The following TFB2M variants were observed in gnomAD, a reference collection of about 807,000 sequenced individuals.
TFB2M encodes dimethyladenosine transferase 2, mitochondrial.
TFB2M carries 44 observed loss-of-function variants against 41.3 expected under a neutral mutation model. The ratio of observed to expected loss-of-function variants is 1.07; its 90% CI spans 0.84 to 1.37. TFB2M has a LOEUF of 1.37. Among genes scored for constraint, TFB2M ranks in the 40% most tolerant of loss-of-function variants. The probability of loss-of-function intolerance (pLI) is 0.00; values close to 1 mark genes in which losing one functional copy is unlikely to be tolerated. For missense variants in TFB2M, 496 were observed against 490.2 expected, an observed-to-expected ratio of 1.01 and a Z score of -0.11; for synonymous variants, 188 against 176.8, an observed-to-expected ratio of 1.06 and a Z score of -0.50.
intron 1 of TFB2M, among the ~76,000 whole-genome samples, chr1:246,565,436 G>A (rs931542140): frequency 2.0e-5 from 3 of 152,172 alleles, no homozygotes; most frequent in East Asian, 1.9e-4. Flanking sequence ...GTATCTGGAC[G>A]GGCGCAGTGG....
rs769521942 is a variant in TFB2M at position 246,548,561 on chromosome 1, T to TATACAC, written c.841_842insGTGTAT (p.Glu281delinsGlyValTer). The stretch of plus-strand genomic sequence containing the variant: ...TATTCTTACCCTACGCTTTGGGTTT[T>TATACAC]CCAGCGGCCCTTTCCGGGTGTATAT... On this transcript the variant is annotated stop_gained and protein_altering_variant, in exon 6 of 8. Coordinates refer to ENST00000366514, the MANE Select transcript of TFB2M (RefSeq NM_022366.3). LOFTEE classifies it high-confidence loss of function. The TATACAC allele has an allele frequency of 9.9e-6, 16 of 1,613,566 alleles. No individual in the cohort carries two copies. The highest frequency in any genetic ancestry group is 1.3e-5 in the Non-Finnish European group (15 of 1,179,772).
At chr1:246,549,605 G>A (rs564194173) in intron 5 of TFB2M, among the ~76,000 whole-genome samples, 1 of 151,992 alleles carries the variant, frequency 6.6e-6, no homozygotes, top group Non-Finnish European at 1.5e-5. Context: ...CGACCCACCT[G>A]AAAAAGTATT....
chr1:246,563,666 G>A (rs1659516265), intron 2 of TFB2M, among the ~76,000 whole-genome samples: 1 of 152,030 alleles, frequency 6.6e-6, no homozygotes, highest in Non-Finnish European at 1.5e-5. Flanking sequence ...TCACATGGGT[G>A]GGTGACATAG....
rs547357741 is a variant in TFB2M, at chr1:246,566,199, C to T, written c.-61G>A. The T allele has an allele frequency of 1.3e-6, 2 of 1,524,716 alleles. No homozygotes were observed. Among genetic ancestry groups the T allele is most frequent in the South Asian group, 2.4e-5 (2 of 82,070 alleles). 94.4% of individuals were successfully genotyped at this position (1,524,716 alleles called of 1,614,324 possible). ...AGTGCAGCTACTACAGTGAACCCCA[C>T]GCAGGGTATCCCACGTGGAACATTT... On this transcript the variant is annotated 5_prime_UTR_variant, in exon 1 of 8. In the 5' UTR this introduces an upstream ATG that the reference lacks. Transcript: ENST00000366514.
chr1:246,545,796 A>G (rs577415253), intron 6 of TFB2M, among the ~76,000 whole-genome samples: 1 of 131,676 alleles, frequency 7.6e-6, no homozygotes, highest in Non-Finnish European at 1.6e-5. Flanking sequence ...CGGGTGACAG[A>G]GCAAGACCCT....
At chr1:246,556,512 A>C (rs1372730424) in intron 4 of TFB2M, 61 bp downstream of exon 4, 4 of 1,251,258 alleles carry the variant, frequency 3.2e-6, no homozygotes, top group Non-Finnish European at 4.4e-6. Flanking sequence ...GCACAGATTA[A>C]GAGTACTCAG....
intron 3 of TFB2M, 89 bp downstream of exon 3, chr1:246,557,292 A>T (rs1459996540): frequency 1.4e-6 from 2 of 1,441,532 alleles, no homozygotes; most frequent in Admixed American, 4.6e-5. Context: ...ACAAATAAAT[A>T]AAACACAAAT....
intron 7 of TFB2M, among the ~76,000 whole-genome samples, chr1:246,542,985 AT>A (rs11380318): frequency 2.2e-4 from 19 of 84,940 alleles, no homozygotes; most frequent in East Asian, 6.7e-4. Context: ...CTGCCTCCCA[AT>A]TTTTTTTTTT....
intron 6 of TFB2M, among the ~76,000 whole-genome samples, chr1:246,545,103 G>T (rs1461376634): frequency 6.6e-6 from 1 of 151,782 alleles, no homozygotes; most frequent in Non-Finnish European, 1.5e-5. Context: ...ACCGTGCCCG[G>T]CCCACATTTT....
At chr1:246,554,410 A>G (rs1040636960) in intron 4 of TFB2M, among the ~76,000 whole-genome samples, 4 of 152,034 alleles carry the variant, frequency 2.6e-5, no homozygotes, top group Non-Finnish European at 4.4e-5. Context: ...GCCGCTCCCC[A>G]CCGTTCACAT....
At chr1:246,559,496 C>T (rs1328285412) in intron 2 of TFB2M, among the ~76,000 whole-genome samples, 1 of 152,172 alleles carries the variant, frequency 6.6e-6, no homozygotes, top group African/African-American at 2.4e-5. Context: ...TTGCAGAGAG[C>T]TGAGATTGCA....
rs757065866 is a variant in TFB2M, at chr1:246,544,592, G to A, written c.948C>T (p.Asn316=). 2 of 1,611,602 alleles carry A rather than the reference G, an allele frequency of 1.2e-6. No individual in the cohort carries two copies. Among genetic ancestry groups the A allele is most frequent in the Non-Finnish European group, 1.7e-6 (2 of 1,179,290 alleles). The change falls in exon 7 of 8, where the codon AAC becomes AAT. Residue 316 remains asparagine (N), a synonymous_variant. Transcript: ENST00000366514. ...NLFTKNLTPM[N]YNIFFHLLKH... ...TTAACAAGTGAAAAAATATATTATA[G>A]TTCATAGGTGTTAAGTTCTTGGTAA...
At chr1:246,561,165 A>T (rs1432608721) in intron 2 of TFB2M, among the ~76,000 whole-genome samples, 1 of 152,194 alleles carries the variant, frequency 6.6e-6, no homozygotes, top group Non-Finnish European at 1.5e-5. Context: ...ATTCACACAA[A>T]ATTTTATTTG....
Position 246,565,822 on chromosome 1 carries a change from TC to T in TFB2M, c.313+3del. On this transcript the variant is annotated splice_donor_region_variant and intron_variant, in intron 1 of 7. Coordinates refer to ENST00000366514, the MANE Select transcript of TFB2M (RefSeq NM_022366.3). ...CCAAGAAAATGCAATTCAGCTGGACTCACCTGGATTGCACTCCAGCAGTAGG... is the reference window on the plus strand; with the variant it reads ...CCAAGAAAATGCAATTCAGCTGGACTACCTGGATTGCACTCCAGCAGTAGG... 6.3e-7 allele frequency: 1 copy of T among 1,592,204 alleles called. No individual in the cohort carries two copies. The highest frequency in any genetic ancestry group is 1.1e-5 in the South Asian group (1 of 90,742).
In TFB2M at chr1:246,546,983, A is replaced by ACACACAC. The variant is rs764498048; in HGVS notation, c.858+1561_858+1562insGTGTGTG. 5.3e-3 allele frequency among the ~76,000 whole-genome samples: 676 copies of ACACACAC among 127,180 alleles called. 9 individuals are homozygous for ACACACAC. The highest frequency in any genetic ancestry group is 0.018 in the African/African-American group (601 of 33,938). 83.4% of individuals were successfully genotyped at this position (127,180 alleles called of 152,430 possible). ...TGTATATATACACACACACACACAC[A>ACACACAC]TTTTTTTTTTTTTTTTTTGAGACAA... On this transcript the variant is annotated intron_variant, in intron 6 of 7. Coordinates refer to ENST00000366514, the MANE Select transcript of TFB2M (RefSeq NM_022366.3).
chr1:246,556,824 C>T, intron 3 of TFB2M, 103 bp from the exon 4 acceptor site: 3 of 998,078 alleles, frequency 3.0e-6, no homozygotes, highest in Non-Finnish European at 4.3e-6. Context: ...ATATTAATTT[C>T]AAGTTTATTT....
intron 2 of TFB2M, among the ~76,000 whole-genome samples, chr1:246,559,983 A>C (rs762348170): frequency 5.9e-5 from 9 of 152,248 alleles, no homozygotes; most frequent in Non-Finnish European, 1.0e-4. Flanking sequence ...CACGCATGGC[A>C]AGGCTGTCTA....
Position 246,544,690 on chromosome 1 carries a change from A to G in TFB2M, c.859-9T>C. The G allele has an allele frequency of 6.3e-7, 1 of 1,579,538 alleles. No homozygotes were observed. The highest frequency in any genetic ancestry group is 1.2e-5 in the South Asian group (1 of 84,830). On this transcript the variant is annotated splice_polypyrimidine_tract_variant and intron_variant, in intron 6 of 7. Transcript: ENST00000366514. ...AATTGGTCTAATAATTCCTGGAGAG[A>G]AGAAAAAATGAATTGCATTAGTCAC...
chr1:246,547,815 A>G (rs7524761), intron 6 of TFB2M, among the ~76,000 whole-genome samples: 10,686 of 152,250 alleles, frequency 0.07, 1,250 homozygotes, highest in African/African-American at 0.24. Context: ...ATGGAGGACT[A>G]TAACATTGTC....
Sources: allele counts gnomAD v4.1 joint callset (sites outside exome capture counted in the v4.1 genomes callset), GRCh38; gene constraint gnomAD v4.1.1; transcripts MANE v1.5; gene names NCBI Gene and HGNC (gene_info 2026-07-23, HGNC 2026-07-21).